PAPLN: variants seen among roughly 807,000 people sequenced by gnomAD.
PAPLN encodes papilin, proteoglycan like sulfated glycoprotein.
A neutral mutation model predicts 159.0 loss-of-function variants in PAPLN; 146 were observed. The ratio of observed to expected loss-of-function variants is 0.92; its 90% CI spans 0.80 to 1.05. The LOEUF (loss-of-function observed/expected upper bound fraction) is 1.05, where lower values mean the gene tolerates loss of function less well. Ranked by LOEUF, PAPLN falls within the 50% of genes least tolerant of loss-of-function variation. The probability of loss-of-function intolerance (pLI) is 0.00; values close to 1 mark genes in which losing one functional copy is unlikely to be tolerated. For synonymous variants in PAPLN, 734 were observed against 702.9 expected (o/e 1.04, Z -0.70); for missense variants, 1,720 against 1,743.9 (o/e 0.99, Z 0.24).
intron 16 of PAPLN, among the ~76,000 whole-genome samples, chr14:73,259,832 C>T (rs76165173): frequency 0.044 from 6,656 of 152,140 alleles, 401 homozygotes; most frequent in African/African-American, 0.13. Flanking sequence ...GCTCTGGGTG[C>T]GATTCTAGCT....
At position 73,268,721 on chromosome 14, in the gene PAPLN, C is replaced by T; in HGVS notation, c.3665C>T (p.Pro1222Leu). The change falls in exon 26 of 27, where the codon CCA (proline) becomes CTA (leucine). Residue 1222 changes from proline to leucine, a missense_variant and splice_region_variant. Physicochemically the swap from Pro to Leu is moderately conservative, Grantham distance 98. Transcript: ENST00000644200. ...AGCACCGAGGTGAAGGTGGTCTCAC[C>T]AGGTAGGAAAGGTCTATATCCGGGG... ...SRSTEVKVVS[P>L]APTAQPRDPG... 6.2e-7 allele frequency: 1 copy of T among 1,609,128 alleles called. No homozygotes were observed. The highest frequency in any genetic ancestry group is 8.5e-7 in the Non-Finnish European group (1 of 1,177,636).
At chr14:73,247,052 A>G (rs969393418) in intron 5 of PAPLN, among the ~76,000 whole-genome samples, 4 of 152,056 alleles carry the variant, frequency 2.6e-5, no homozygotes, top group Non-Finnish European at 5.9e-5. Flanking sequence ...TACCATTTTG[A>G]GCCCTGTTTT....
chr14:73,260,338 C>G (rs1189378913), intron 16 of PAPLN, among the ~76,000 whole-genome samples: 2 of 152,284 alleles, frequency 1.3e-5, no homozygotes, highest in South Asian at 2.1e-4. Flanking sequence ...TTTGAACCCC[C>G]TCTTCTGCCC....
At position 73,245,651 on chromosome 14, in the gene PAPLN, C is replaced by T; in HGVS notation, c.186C>T (p.Ser62=). 6.4e-7 allele frequency: 1 copy of T among 1,560,180 alleles called. No homozygotes were observed. Among genetic ancestry groups the T allele is most frequent in the Non-Finnish European group, 8.7e-7 (1 of 1,153,940 alleles). The part of the protein sequence containing the change: ...PCYSQRRDGG[S]SCVGPARSHR... Reference sequence around the variant, plus strand: ...GGTCCCGCAGGAGAGATGGAGGCTCCAGCTGCGTGGGCCCCGCCCGGAGCC... The same window carrying T: ...GGTCCCGCAGGAGAGATGGAGGCTCTAGCTGCGTGGGCCCCGCCCGGAGCC... The change falls in exon 4 of 27, where the codon TCC becomes TCT. Residue 62 remains serine, a synonymous_variant. Coordinates refer to ENST00000644200, the MANE Select transcript of PAPLN (RefSeq NM_001365906.3). The surrounding 1 kb of genome is among the most constrained non-coding windows in gnomAD (Gnocchi z 4.2).
In PAPLN at chr14:73,261,158, C is replaced by G; in HGVS notation, c.2109C>G (p.Val703=). 1 of 1,614,148 alleles carries G rather than the reference C, an allele frequency of 6.2e-7. No individual in the cohort carries two copies. Residue 703 remains valine, a splice_region_variant and synonymous_variant, in exon 18 of 27, where the codon GTC becomes GTG. Coordinates refer to ENST00000644200, the MANE Select transcript of PAPLN (RefSeq NM_001365906.3). ...MPRSRAVAST[V]HNTHQPQAQQ... ...CCAATCATGGGTTTCCTCCCCAGGT[C>G]CACAACACCCACCAGCCCCAGGCCC... is the stretch of plus-strand genomic sequence containing the variant.
At chr14:73,253,418 A>C (rs1885530412) in intron 11 of PAPLN, among the ~76,000 whole-genome samples, 1 of 152,214 alleles carries the variant, frequency 6.6e-6, no homozygotes, top group Non-Finnish European at 1.5e-5. Flanking sequence ...CAGCCTCTCC[A>C]GGAGCTGCCC....
intron 11 of PAPLN, chr14:73,253,247 T>TCCC (rs1442646462): frequency 5.9e-6 from 8 of 1,357,252 alleles, no homozygotes; most frequent in Non-Finnish European, 7.8e-6. Flanking sequence ...GGTCACAGGC[T>TCCC]CCCCGCAGGG....
At position 73,261,204 on chromosome 14, in the gene PAPLN, TGCCG is replaced by T; in HGVS notation, c.2157_2160del (p.Cys719TrpfsTer82). 2.5e-6 allele frequency: 4 copies of T among 1,613,924 alleles called. No individual in the cohort carries two copies. The highest frequency in any genetic ancestry group is 3.4e-6 in the Non-Finnish European group (4 of 1,180,008). ...GGCCCAGCAGAATGAGCCCAGTGAGTGCCGGGGCTCCCAGTTTGGCTGTTGCTAT... is the reference window on the plus strand; with the variant it reads ...GGCCCAGCAGAATGAGCCCAGTGAGTGGGCTCCCAGTTTGGCTGTTGCTAT... On this transcript the variant is annotated frameshift_variant, in exon 18 of 27. Coordinates refer to ENST00000644200, the MANE Select transcript of PAPLN (RefSeq NM_001365906.3). LOFTEE classifies it high-confidence loss of function.
At chr14:73,236,684 C>G (rs2140164262), upstream of PAPLN, among the ~76,000 whole-genome samples, 1 of 151,984 alleles carries the variant, frequency 6.6e-6, no homozygotes, top group South Asian at 2.1e-4. Context: ...AGGCATCATA[C>G]AGACGCCTGT....
At chr14:73,271,519 T>A (rs915831500) in intron 26 of PAPLN, among the ~76,000 whole-genome samples, 5 of 151,484 alleles carry the variant, frequency 3.3e-5, no homozygotes, top group Admixed American at 1.3e-4. Flanking sequence ...TTTTTTTTTT[T>A]AAGACAGAAT....
At position 73,262,547 on chromosome 14, in the gene PAPLN, C is replaced by A. The variant is rs982097888; in HGVS notation, c.2443C>A (p.Gln815Lys). The A allele has an allele frequency of 6.4e-7, 1 of 1,568,582 alleles. No individual in the cohort carries two copies. Among genetic ancestry groups the A allele is most frequent in the East Asian group, 2.4e-5 (1 of 42,290 alleles). Residue 815 changes from glutamine (Q) to lysine (K), a missense_variant, in exon 19 of 27, where the codon CAG becomes AAG. Transcript: ENST00000644200. Reference sequence around the variant, plus strand: ...ATCTCTCCATGGGCCCCGTCGTCCCCAGCCTGGGGCTTCTGGAAGGAGCAC... The same window carrying A: ...ATCTCTCCATGGGCCCCGTCGTCCCAAGCCTGGGGCTTCTGGAAGGAGCAC... ...QGSLHGPRRPQPGASGRSTHT... is the reference protein window; with the variant it reads ...QGSLHGPRRPKPGASGRSTHT...
chr14:73,246,646 T>C lies in PAPLN; in HGVS notation c.334+471T>C, dbSNP rs534698703. Reference sequence around the variant, plus strand: ...TCTTTTCCTTTTTCTTTCTTTCTTTTTTTTTTTTTTTTGAGACAGGATCTT... The same window carrying C: ...TCTTTTCCTTTTTCTTTCTTTCTTTCTTTTTTTTTTTTGAGACAGGATCTT... On this transcript the variant is annotated intron_variant, in intron 5 of 26. Coordinates refer to ENST00000644200, the MANE Select transcript of PAPLN (RefSeq NM_001365906.3). Among the ~76,000 whole-genome samples, 318 of 146,470 alleles carry C rather than the reference T, an allele frequency of 2.2e-3. 1 individual carries two copies. The highest frequency in any genetic ancestry group is 3.4e-3 in the Middle Eastern group (1 of 290).
rs59527247 is a variant in PAPLN, at chr14:73,271,264, G to C, written c.3668-1231G>C. 4.4e-3 allele frequency among the ~76,000 whole-genome samples: 674 copies of C among 152,204 alleles called. 5 individuals are homozygous for C. Among genetic ancestry groups the C allele is most frequent in the African/African-American group, 0.016 (646 of 41,526 alleles). ...AGAAACAATATGCATTAATGGCTTT[G>C]TTATCTATATAAATTTAGGTAGGTA... is the stretch of plus-strand genomic sequence containing the variant. On this transcript the variant is annotated intron_variant, in intron 26 of 26. Coordinates refer to ENST00000644200, the MANE Select transcript of PAPLN (RefSeq NM_001365906.3).
At chr14:73,270,275 G>GCTT (rs1259547915) in intron 26 of PAPLN, among the ~76,000 whole-genome samples, 1 of 152,268 alleles carries the variant, frequency 6.6e-6, no homozygotes, top group Non-Finnish European at 1.5e-5. Context: ...GGCACAGGCG[G>GCTT]CTTCCGCACT....
At chr14:73,240,463 GAC>G (rs1883421584) in intron 2 of PAPLN, among the ~76,000 whole-genome samples, 1 of 151,528 alleles carries the variant, frequency 6.6e-6, no homozygotes, top group African/African-American at 2.4e-5. Context: ...TTATTTTTGA[GAC>G]AGAGTCTCAC....
intron 5 of PAPLN, among the ~76,000 whole-genome samples, chr14:73,248,752 G>T (rs915736917): frequency 6.6e-6 from 1 of 152,238 alleles, no homozygotes; most frequent in African/African-American, 2.4e-5. Flanking sequence ...AGCCCAGGAA[G>T]TTGAGGCTGC....
At chr14:73,266,366 C>G in intron 23 of PAPLN, 135 bp from the exon 24 acceptor site, 1 of 1,118,288 alleles carries the variant, frequency 8.9e-7, no homozygotes, top group Non-Finnish European at 1.2e-6. Flanking sequence ...CCACCAAACA[C>G]TAGGGGATGC....
intron 18 of PAPLN, among the ~76,000 whole-genome samples, chr14:73,261,877 G>A (rs1014533573): frequency 5.3e-5 from 8 of 151,472 alleles, no homozygotes; most frequent in Non-Finnish European, 1.2e-4. Flanking sequence ...TGGCAGGCTG[G>A]GTGCTGGAGG....
Position 73,264,590 on chromosome 14 carries a change from G to C in PAPLN, c.2989G>C (p.Gly997Arg), listed in dbSNP as rs752086867. ...SQKIQLRIIG[G>R]DMAVLSEAEL... ...TGTTTCTCCTGGCCTCATGACAGGG[G>C]GTGACATGGCCGTGCTGTCTGAGGC... The change falls in exon 22 of 27, where the codon GGT (glycine) becomes CGT (arginine). Residue 997 changes from glycine to arginine, a missense_variant and splice_region_variant. Physicochemically the swap from Gly to Arg is moderately radical, Grantham distance 125. Coordinates refer to ENST00000644200, the MANE Select transcript of PAPLN (RefSeq NM_001365906.3). 8 of 1,597,366 alleles carry C rather than the reference G, an allele frequency of 5.0e-6. No homozygotes were observed. In the South Asian group the frequency reaches 6.8e-5, roughly 14 times the overall value.
Sources: allele counts gnomAD v4.1 joint callset (sites outside exome capture counted in the v4.1 genomes callset), GRCh38; gene constraint gnomAD v4.1.1; non-coding constraint Gnocchi (gnomAD v3.1); transcripts MANE v1.5; gene names NCBI Gene and HGNC (gene_info 2026-07-23, HGNC 2026-07-21).